Variants in LGSN observed in about 807,000 individuals in gnomAD.
LGSN encodes the protein lengsin, lens protein with glutamine synthetase domain, also known as lengsin.
LGSN carries 21 observed loss-of-function variants against 19.5 expected under a neutral mutation model. That is an observed-to-expected ratio of 1.07 (90% confidence interval 0.76 to 1.55). The LOEUF (loss-of-function observed/expected upper bound fraction) is 1.55, where lower values mean the gene tolerates loss of function less well. LGSN is among the 40% of genes most tolerant of loss of function. The pLI is 0.00. For synonymous variants in LGSN, 257 were observed against 215.6 expected (o/e 1.19, Z -1.68); for missense variants, 673 against 608.5 (o/e 1.11, Z -1.12).
the LGSN span, among the ~76,000 whole-genome samples, chr6:63,326,841 C>T: frequency 6.6e-6 from 1 of 152,178 alleles, no homozygotes; most frequent in African/African-American, 2.4e-5. Context: ...TCTCCCTCCA[C>T]ACCTCCCTGC....
the LGSN span, among the ~76,000 whole-genome samples, chr6:63,518,154 C>CAAA: frequency 5.6e-4 from 35 of 62,098 alleles, no homozygotes; most frequent in African/African-American, 1.6e-3. Flanking sequence ...ACTCCGTCTC[C>CAAA]AAAAAAAAAA....
chr6:63,294,826 A>G lies in LGSN; in HGVS notation c.163+87T>C, dbSNP rs555341107. The G allele has an allele frequency of 1.3e-3, 1,707 of 1,346,244 alleles. 8 individuals are homozygous for G. Among genetic ancestry groups the G allele is most frequent in the Non-Finnish European group, 1.5e-3 (1,462 of 955,986 alleles). 83.4% of individuals were successfully genotyped at this position (1,346,244 alleles called of 1,614,324 possible). A position where few individuals can be genotyped will look rare whatever the true frequency, so the allele number is the denominator to read the frequency against. ...TTTGTCCTTTTGCTTCTCCCAAAAA[A>G]GAAATGAAGATGTTTTATGAAAAGA... On this transcript the variant is annotated intron_variant, in intron 2 of 3. Coordinates refer to ENST00000370657, the MANE Select transcript of LGSN (RefSeq NM_016571.3).
chr6:63,499,315 C>T, the LGSN span, among the ~76,000 whole-genome samples: 1 of 152,074 alleles, frequency 6.6e-6, no homozygotes, highest in South Asian at 2.1e-4. Flanking sequence ...AAGTATAGTA[C>T]AGTCACTGGT....
chr6:63,532,075 A>C, the LGSN span, among the ~76,000 whole-genome samples: 1 of 152,230 alleles, frequency 6.6e-6, no homozygotes, highest in Non-Finnish European at 1.5e-5. Context: ...CTGGGATTAC[A>C]GGCGTGAGCC....
the LGSN span, among the ~76,000 whole-genome samples, chr6:63,510,149 T>G: frequency 6.6e-6 from 1 of 152,240 alleles, no homozygotes; most frequent in Non-Finnish European, 1.5e-5. Flanking sequence ...ATTCATTCAT[T>G]TAACATACTA....
chr6:63,489,884 G>A, the LGSN span, among the ~76,000 whole-genome samples: 4 of 151,056 alleles, frequency 2.6e-5, no homozygotes, highest in African/African-American at 7.3e-5. Flanking sequence ...TAATTTATGT[G>A]TTTTTAGTAG....
At chr6:63,419,687 G>A in the LGSN span, among the ~76,000 whole-genome samples, 4 of 151,354 alleles carry the variant, frequency 2.6e-5, no homozygotes, top group Admixed American at 6.6e-5. Flanking sequence ...CCAGGAGTTC[G>A]AGACCAGCCT....
At chr6:63,298,243 GGTAA>G (rs1349048911) in intron 1 of LGSN, among the ~76,000 whole-genome samples, 1 of 152,170 alleles carries the variant, frequency 6.6e-6, no homozygotes, top group Non-Finnish European at 1.5e-5. Flanking sequence ...GGGGATCATG[GGTAA>G]GTTGTCTCTC....
the LGSN span, among the ~76,000 whole-genome samples, chr6:63,412,744 AAAGAAAGAAAGAAAGAAAGAAAGAAAGG>A: frequency 0.051 from 4,567 of 89,456 alleles, 491 homozygotes; most frequent in African/African-American, 0.2. Flanking sequence ...AGAAAGAAAG[AAAGAAAGAAAGAAAGAAAGAAAGAAAGG>A]AAGGAAGGGA....
At chr6:63,424,144 T>C in the LGSN span, among the ~76,000 whole-genome samples, 1 of 152,114 alleles carries the variant, frequency 6.6e-6, no homozygotes, top group African/African-American at 2.4e-5. Context: ...AAATAGGGGA[T>C]ATCACTACAG....
the LGSN span, among the ~76,000 whole-genome samples, chr6:63,446,001 C>G: frequency 1.3e-5 from 2 of 152,114 alleles, no homozygotes; most frequent in Non-Finnish European, 2.9e-5. Flanking sequence ...GTAATCCCAG[C>G]ACTTTGGAAG....
intron 1 of LGSN, among the ~76,000 whole-genome samples, chr6:63,318,199 C>T (rs953425416): frequency 2.6e-5 from 4 of 152,128 alleles, no homozygotes; most frequent in African/African-American, 9.7e-5. Flanking sequence ...AATATTCTGA[C>T]AAAGAATTTC....
chr6:63,304,360 C>G (rs1033429450), intron 1 of LGSN, among the ~76,000 whole-genome samples: 1 of 152,200 alleles, frequency 6.6e-6, no homozygotes, highest in South Asian at 2.1e-4. Flanking sequence ...GTAGTCTGTA[C>G]AGCAGATTTT....
chr6:63,530,904 A>C, the LGSN span, among the ~76,000 whole-genome samples: 1 of 152,208 alleles, frequency 6.6e-6, no homozygotes, highest in Non-Finnish European at 1.5e-5. Flanking sequence ...AGATGTAATG[A>C]TTAGAATGGT....
chr6:63,395,021 G>T, the LGSN span: 1 of 157,794 alleles, frequency 6.3e-6, no homozygotes. Context: ...CCATGCACTT[G>T]AGGCCTGGGT....
chr6:63,374,192 TTACTTAGA>T, the LGSN span, among the ~76,000 whole-genome samples: 1 of 152,094 alleles, frequency 6.6e-6, no homozygotes, highest in African/African-American at 2.4e-5. Context: ...CCAATATATA[TTACTTAGA>T]TACAGATAGA....
chr6:63,412,483 G>GAAGA, the LGSN span, among the ~76,000 whole-genome samples: 1,629 of 52,698 alleles, frequency 0.031, 96 homozygotes, highest in Middle Eastern at 0.044. Flanking sequence ...AGAAGAAAGA[G>GAAGA]AAGAAAGAAA....
chr6:63,420,358 T>G, the LGSN span, among the ~76,000 whole-genome samples: 1 of 152,234 alleles, frequency 6.6e-6, no homozygotes, highest in African/African-American at 2.4e-5. Context: ...TCAACTGATA[T>G]GCCATTCCAT....
At chr6:63,525,055 G>T in the LGSN span, among the ~76,000 whole-genome samples, 6 of 152,182 alleles carry the variant, frequency 3.9e-5, no homozygotes, top group Non-Finnish European at 7.4e-5. Context: ...AGACAGACTA[G>T]AGCAGCATTT....
Sources: allele counts gnomAD v4.1 joint callset (sites outside exome capture counted in the v4.1 genomes callset), GRCh38; gene constraint gnomAD v4.1.1; transcripts MANE v1.5; gene names NCBI Gene and HGNC (gene_info 2026-07-23, HGNC 2026-07-21).